The following TRAM1 variants were observed in gnomAD, a reference collection of about 807,000 sequenced individuals.
The protein encoded by TRAM1 is translocating chain-associated membrane protein 1.
In TRAM1, 17 loss-of-function variants were observed where a neutral mutation model predicts 48.7. That is an observed-to-expected ratio of 0.35 (90% CI 0.24 to 0.52). The LOEUF (loss-of-function observed/expected upper bound fraction) is 0.52, where lower values mean the gene tolerates loss of function less well. Ranked by LOEUF, TRAM1 falls within the 20% of genes least tolerant of loss-of-function variation. The pLI is 0.94. For synonymous variants in TRAM1, 182 were observed against 154.0 expected, an observed-to-expected ratio of 1.18 and a Z score of -1.34; for missense variants, 351 against 441.5, an observed-to-expected ratio of 0.79 and a Z score of 1.84.
chr8:70,599,812 T>C (rs916821385), intron 2 of TRAM1, among the ~76,000 whole-genome samples: 1 of 152,190 alleles, frequency 6.6e-6, no homozygotes, highest in African/African-American at 2.4e-5. Flanking sequence ...TTCACAAAAA[T>C]ATATAGTAAA....
At chr8:70,602,154 A>C (rs1230973884) in intron 1 of TRAM1, among the ~76,000 whole-genome samples, 2 of 152,222 alleles carry the variant, frequency 1.3e-5, no homozygotes, top group African/African-American at 4.8e-5. Context: ...CAAAAGTTTC[A>C]AAAGAGATGT....
rs764500489 is a variant in TRAM1 at position 70,594,609 on chromosome 8, T to C, written c.486-19A>G. ...TTGAAATCTGTACAACACAAGAAAA[T>C]GAAGAGTACCTTTTAAAGCATAATT... On this transcript the variant is annotated intron_variant, in intron 5 of 10. Transcript: ENST00000262213. The C allele has an allele frequency of 1.9e-6, 3 of 1,551,084 alleles. No individual in the cohort carries two copies. Among genetic ancestry groups the C allele is most frequent in the Non-Finnish European group, 2.6e-6 (3 of 1,150,676 alleles).
intron 1 of TRAM1, among the ~76,000 whole-genome samples, chr8:70,601,618 C>T (rs1376112948): frequency 3.9e-5 from 6 of 152,150 alleles, no homozygotes; most frequent in East Asian, 1.9e-4. Context: ...TAATCAATAT[C>T]GCTGAATAAA....
At chr8:70,577,674 C>T (rs73685672) in intron 10 of TRAM1, among the ~76,000 whole-genome samples, 1,527 of 152,338 alleles carry the variant, frequency 0.01, 23 homozygotes, top group African/African-American at 0.035. Flanking sequence ...ACAAACAAGG[C>T]TGAAACATGC....
intron 10 of TRAM1, among the ~76,000 whole-genome samples, chr8:70,582,225 C>T (rs1301313776): frequency 1.3e-5 from 2 of 151,402 alleles, no homozygotes; most frequent in African/African-American, 4.9e-5. Context: ...AATCGATCTA[C>T]AGATTTGATG....
intron 10 of TRAM1, among the ~76,000 whole-genome samples, chr8:70,582,336 T>C (rs537102405): frequency 2.1e-5 from 3 of 144,114 alleles, no homozygotes; most frequent in African/African-American, 7.8e-5. Context: ...CAGGCTGGAG[T>C]GTAGTAGGGC....
chr8:70,583,179 A>G lies in TRAM1; in HGVS notation c.1036T>C (p.Ser346Pro). 1 of 1,612,922 alleles carries G rather than the reference A, an allele frequency of 6.2e-7. No homozygotes were observed. The highest frequency in any genetic ancestry group is 8.5e-7 in the Non-Finnish European group (1 of 1,179,704). ...KKPTVTKGRS[S>P]KKGTENGVNG... is the part of the protein sequence containing the mutation. ...GAATACAAACCTGTTCCTTTTTTAG[A>G]AGATCTGCCTTTAGTTACTGTTGGT... The change falls in exon 10 of 11, where the codon TCT (serine) becomes CCT (proline). Residue 346 changes from serine to proline, a missense_variant. Physicochemically the swap from Ser to Pro is moderately conservative, Grantham distance 74. Coordinates refer to ENST00000262213, the MANE Select transcript of TRAM1 (RefSeq NM_014294.6).
At chr8:70,588,566 C>A (rs771813283) in intron 6 of TRAM1, among the ~76,000 whole-genome samples, 1 of 151,624 alleles carries the variant, frequency 6.6e-6, no homozygotes, top group Non-Finnish European at 1.5e-5. Flanking sequence ...CCAGCCTGGG[C>A]GGCAGAGCCA....
rs1461121110 is a variant in TRAM1 at position 70,585,967 on chromosome 8, T to C, written c.746+928A>G. Among the ~76,000 whole-genome samples, 8 of 150,646 alleles carry C rather than the reference T, an allele frequency of 5.3e-5. No individual in the cohort carries two copies. The South Asian group carries it at 6.4e-4, about 12-fold the overall frequency. ...TAAATCATGCTGCTATAAAGACACA[T>C]GCACACGTATGTTTATTGCGGCACT... is the stretch of plus-strand genomic sequence containing the variant. On this transcript the variant is annotated intron_variant, in intron 8 of 10. Coordinates refer to ENST00000262213, the MANE Select transcript of TRAM1 (RefSeq NM_014294.6).
In TRAM1 at chr8:70,574,082, TAA is replaced by T. The variant is rs1212935435; in HGVS notation, c.*848_*849del. ...TATAAATCAAGTAGGCATTATGTTT[TAA>T]AAGTGTTTGCAGGTTAAACTTTTCT... On this transcript the variant is annotated 3_prime_UTR_variant, in exon 11 of 11. Coordinates refer to ENST00000262213, the MANE Select transcript of TRAM1 (RefSeq NM_014294.6). 4 of 253,052 alleles carry T rather than the reference TAA, an allele frequency of 1.6e-5. No individual in the cohort carries two copies. The highest frequency in any genetic ancestry group is 4.7e-5 in the African/African-American group (2 of 42,174). The allele number at this position is 253,052 out of a possible 1,614,324, so 15.7% of individuals were successfully genotyped here. A position where few individuals can be genotyped will look rare whatever the true frequency, so the allele number is the denominator to read the frequency against.
At chr8:70,591,517 A>C (rs268622) in intron 6 of TRAM1, among the ~76,000 whole-genome samples, 112,270 of 152,060 alleles carry the variant, frequency 0.74, 43,043 homozygotes, top group Non-Finnish European at 0.85. Flanking sequence ...TGAAATCATA[A>C]CAAATTATAA....
At position 70,594,523 on chromosome 8, in the gene TRAM1, A is replaced by C; in HGVS notation, c.553T>G (p.Phe185Val). 2 of 1,598,566 alleles carry C rather than the reference A, an allele frequency of 1.3e-6. No homozygotes were observed. Among genetic ancestry groups the C allele is most frequent in the African/African-American group, 2.7e-5 (2 of 73,924 alleles). Residue 185 changes from phenylalanine to valine, a missense_variant, in exon 6 of 11, where the codon TTC (phenylalanine) becomes GTC (valine). Transcript: ENST00000262213. ...CAGCTTACTTTTTTGGTTTTCTGGA[A>C]GTAGAGTTCAGGAAAAGCATGAAGC... ...YWLHAFPELYFQKTKKEDIPR... is the reference protein window; with the variant it reads ...YWLHAFPELYVQKTKKEDIPR...
chr8:70,575,080 C>A (rs1816917713), intron 10 of TRAM1, 75 bp from the exon 11 acceptor site: 15 of 1,053,220 alleles, frequency 1.4e-5, no homozygotes, highest in Non-Finnish European at 1.9e-5. Context: ...TGTAAAGATA[C>A]CTTCAGAAAA....
rs1338302378 is a variant in TRAM1, at chr8:70,573,661, A to G, written c.*1271T>C. The G allele has an allele frequency of 2.0e-5, 3 of 152,620 alleles. No homozygotes were observed. Among genetic ancestry groups the G allele is most frequent in the African/African-American group, 7.2e-5 (3 of 41,446 alleles). The allele number at this position is 152,620 out of a possible 1,614,324, so 9.5% of individuals were successfully genotyped here. On this transcript the variant is annotated 3_prime_UTR_variant, in exon 11 of 11. Transcript: ENST00000262213. ...GATCTAATAGGTCTGCAACTTTTACACTAAAAATGGCACAAACAGCTGGTG... is the reference window on the plus strand; with the variant it reads ...GATCTAATAGGTCTGCAACTTTTACGCTAAAAATGGCACAAACAGCTGGTG...
At chr8:70,579,626 CTA>C (rs1331626839) in intron 10 of TRAM1, among the ~76,000 whole-genome samples, 8 of 152,164 alleles carry the variant, frequency 5.3e-5, no homozygotes, top group African/African-American at 1.9e-4. Flanking sequence ...AAGAAAAACT[CTA>C]TGACTAACTA....
intron 5 of TRAM1, among the ~76,000 whole-genome samples, chr8:70,595,593 A>G (rs1445160858): frequency 6.6e-6 from 1 of 152,212 alleles, no homozygotes; most frequent in Non-Finnish European, 1.5e-5. Context: ...AGGCACATAT[A>G]GTCTTAGTGG....
At chr8:70,606,972 C>G in intron 1 of TRAM1, 1 of 970,238 alleles carries the variant, frequency 1.0e-6, no homozygotes. Context: ...CAGGCACTAT[C>G]CTAGACTCTG....
At chr8:70,591,493 C>T (rs534640622) in intron 6 of TRAM1, among the ~76,000 whole-genome samples, 2 of 152,080 alleles carry the variant, frequency 1.3e-5, no homozygotes, top group Non-Finnish European at 2.9e-5. Flanking sequence ...AGGGAGAGAA[C>T]AGAGAAGGCT....
chr8:70,582,573 T>C (rs919172266), intron 10 of TRAM1, among the ~76,000 whole-genome samples: 10 of 149,902 alleles, frequency 6.7e-5, no homozygotes, highest in Non-Finnish European at 1.3e-4. Flanking sequence ...GTATTAATAC[T>C]TACAAAGGAG....
Sources: allele counts gnomAD v4.1 joint callset (sites outside exome capture counted in the v4.1 genomes callset), GRCh38; gene constraint gnomAD v4.1.1; transcripts MANE v1.5; gene names NCBI Gene and HGNC (gene_info 2026-07-23, HGNC 2026-07-21).